Variants in PPME1 observed in about 807,000 individuals in gnomAD.
PPME1 encodes protein phosphatase methylesterase 1.
PPME1 carries 17 observed loss-of-function variants against 56.9 expected under a neutral mutation model. The observed-to-expected ratio is 0.30, with a 90% CI of 0.20 to 0.45. The LOEUF (loss-of-function observed/expected upper bound fraction) is 0.45, where lower values mean the gene tolerates loss of function less well. PPME1 is among the 20% of genes least tolerant of loss of function. PPME1 has a pLI of 1.00. For missense variants in PPME1, 357 were observed against 483.2 expected, an observed-to-expected ratio of 0.74 and a Z score of 2.45; for synonymous variants, 122 against 156.2, an observed-to-expected ratio of 0.78 and a Z score of 1.63.
intron 1 of PPME1, among the ~76,000 whole-genome samples, chr11:74,197,926 G>T (rs1404277265): frequency 6.6e-6 from 1 of 152,106 alleles, no homozygotes; most frequent in Non-Finnish European, 1.5e-5. Context: ...AAACACATTT[G>T]ATTCATGTGA....
chr11:74,210,817 C>T (rs961333363), intron 3 of PPME1, among the ~76,000 whole-genome samples: 3 of 152,038 alleles, frequency 2.0e-5, no homozygotes, highest in African/African-American at 7.3e-5. Flanking sequence ...ACTCAGGCTC[C>T]GATATTTCTT....
chr11:74,225,377 C>T (rs1302477603), intron 5 of PPME1, 121 bp downstream of exon 5: 4 of 666,188 alleles, frequency 6.0e-6, no homozygotes, highest in Non-Finnish European at 9.5e-6. Flanking sequence ...GAAAATTTTA[C>T]TTCTGTTCTC....
intron 3 of PPME1, among the ~76,000 whole-genome samples, chr11:74,210,270 A>G (rs1049411519): frequency 3.3e-5 from 5 of 152,128 alleles, no homozygotes; most frequent in African/African-American, 9.7e-5. Flanking sequence ...TTGATAAACT[A>G]TAATGTCCCT....
At chr11:74,242,707 C>T (rs1328934944) in intron 9 of PPME1, among the ~76,000 whole-genome samples, 4 of 151,474 alleles carry the variant, frequency 2.6e-5, no homozygotes, top group Admixed American at 6.6e-5. Flanking sequence ...GGTGAAACCC[C>T]GTCTCTACTA....
At chr11:74,174,200 A>C (rs773026956) in intron 1 of PPME1, among the ~76,000 whole-genome samples, 19 of 152,168 alleles carry the variant, frequency 1.2e-4, no homozygotes, top group Non-Finnish European at 2.6e-4. Context: ...TGTATTAATA[A>C]ATGAGGGAAC....
chr11:74,176,727 T>G (rs1311489200), intron 1 of PPME1, among the ~76,000 whole-genome samples: 1 of 144,728 alleles, frequency 6.9e-6, no homozygotes, highest in Non-Finnish European at 1.5e-5. Context: ...TGTCCTTTTT[T>G]TTTTTTTTTT....
chr11:74,173,264 T>C (rs1333609339), intron 1 of PPME1, among the ~76,000 whole-genome samples: 2 of 152,328 alleles, frequency 1.3e-5, no homozygotes, highest in Admixed American at 1.3e-4. Context: ...GTAACATTAA[T>C]TGTTGTTAAA....
intron 1 of PPME1, among the ~76,000 whole-genome samples, chr11:74,189,124 T>C (rs1260229958): frequency 1.3e-5 from 2 of 152,292 alleles, no homozygotes; most frequent in East Asian, 3.9e-4. Context: ...GTGCATTGGC[T>C]CACACCTGTA....
At chr11:74,216,249 A>G (rs1398945831) in intron 3 of PPME1, among the ~76,000 whole-genome samples, 1 of 152,220 alleles carries the variant, frequency 6.6e-6, no homozygotes, top group African/African-American at 2.4e-5. Context: ...AGGTCACAAA[A>G]CAAGTCTTGG....
At chr11:74,190,326 C>A (rs1857801508) in intron 1 of PPME1, among the ~76,000 whole-genome samples, 1 of 152,150 alleles carries the variant, frequency 6.6e-6, no homozygotes, top group African/African-American at 2.4e-5. Flanking sequence ...TTAGTGCTAT[C>A]CCCTTGGTAA....
chr11:74,196,864 G>C (rs1352426616), intron 1 of PPME1, among the ~76,000 whole-genome samples: 2 of 152,198 alleles, frequency 1.3e-5, no homozygotes, highest in Admixed American at 6.5e-5. Context: ...TTGTTCTCCA[G>C]ATATCAGGAT....
intron 9 of PPME1, among the ~76,000 whole-genome samples, chr11:74,245,713 A>G (rs565479665): frequency 3.3e-4 from 50 of 152,232 alleles, no homozygotes; most frequent in Non-Finnish European, 4.9e-4. Flanking sequence ...GCATTTTTTC[A>G]TACTGCAGTA....
intron 3 of PPME1, among the ~76,000 whole-genome samples, chr11:74,214,367 G>C (rs1858564823): frequency 6.6e-6 from 1 of 152,064 alleles, no homozygotes; most frequent in South Asian, 2.1e-4. Flanking sequence ...AAGAGTTAGT[G>C]GTCTTAAAGA....
intron 5 of PPME1, among the ~76,000 whole-genome samples, chr11:74,229,957 A>T (rs1246445273): frequency 6.6e-6 from 1 of 152,236 alleles, no homozygotes; most frequent in African/African-American, 2.4e-5. Flanking sequence ...ATGTTTATGT[A>T]ATTGTACTAC....
intron 9 of PPME1, among the ~76,000 whole-genome samples, chr11:74,241,040 G>A (rs1591065195): frequency 2.6e-5 from 4 of 152,140 alleles, no homozygotes; most frequent in Admixed American, 2.6e-4. Flanking sequence ...TTTTTTCTTT[G>A]TATTTTTTTA....
At chr11:74,203,701 A>T in intron 1 of PPME1, 27 bp from the exon 2 acceptor site, 1 of 1,575,970 alleles carries the variant, frequency 6.3e-7, no homozygotes, top group Non-Finnish European at 8.7e-7. Context: ...AATTTTTCTG[A>T]AATGTCTCTC....
rs1859582607 is a variant in PPME1, at chr11:74,249,023, G to GA, written c.1009+1907dup. Reference sequence around the variant, plus strand: ...CAGTACAGTTACATGAAGTTTAAATGAAAAAAATGCGGGTAGTCTAACAAA... The same window carrying GA: ...CAGTACAGTTACATGAAGTTTAAATGAAAAAAAATGCGGGTAGTCTAACAAA... On this transcript the variant is annotated intron_variant, in intron 11 of 13. Transcript: ENST00000328257. The GA allele has an allele frequency of 4.6e-5, 7 of 152,136 alleles. No individual in the cohort carries two copies. The South Asian group carries it at 1.5e-3, about 32-fold the overall frequency. The allele number at this position is 152,136 out of a possible 1,614,324, so 9.4% of individuals were successfully genotyped here. A position where few individuals can be genotyped will look rare whatever the true frequency, so the allele number is the denominator to read the frequency against.
chr11:74,225,317 A>G (rs58421256), intron 5 of PPME1, 61 bp downstream of exon 5: 42,870 of 1,181,722 alleles, frequency 0.036, 3,739 homozygotes, highest in African/African-American at 0.33. Context: ...AAATAGTACT[A>G]TAACTTTATC....
chr11:74,180,062 T>G (rs772784710), intron 1 of PPME1, among the ~76,000 whole-genome samples: 4 of 152,238 alleles, frequency 2.6e-5, no homozygotes, highest in Non-Finnish European at 5.9e-5. Flanking sequence ...GAGACATTCA[T>G]GTAAAAACAT....
Sources: gnomAD v4.1 joint callset for allele counts (sites outside exome capture counted in the v4.1 genomes callset) on GRCh38, gnomAD v4.1.1 for gene constraint, MANE v1.5 for transcripts, NCBI Gene and HGNC (gene_info 2026-07-23, HGNC 2026-07-21) for gene names.